The following MFHAS1 variants were observed in gnomAD, a reference collection of about 807,000 sequenced individuals.
MFHAS1 encodes the protein malignant fibrous histiocytoma-amplified sequence 1.
In MFHAS1, 50 loss-of-function variants were observed where a neutral mutation model predicts 70.4. The ratio of observed to expected loss-of-function variants is 0.71; its 90% CI spans 0.57 to 0.90. The LOEUF (loss-of-function observed/expected upper bound fraction) is 0.90. Among genes scored for constraint, MFHAS1 ranks in the 40% least tolerant of loss-of-function variants. MFHAS1 has a pLI of 0.00. For synonymous variants in MFHAS1, 952 were observed against 620.0 expected, an observed-to-expected ratio of 1.54 and a Z score of -7.96; for missense variants, 1,795 against 1,347.6, an observed-to-expected ratio of 1.33 and a Z score of -5.20.
At chr8:8,814,249 T>C (rs895210953) in intron 1 of MFHAS1, among the ~76,000 whole-genome samples, 1 of 152,202 alleles carries the variant, frequency 6.6e-6, no homozygotes, top group Non-Finnish European at 1.5e-5. Context: ...CCATTTTTTA[T>C]CTTTATACTG....
At chr8:8,876,461 G>A (rs559627183) in intron 1 of MFHAS1, among the ~76,000 whole-genome samples, 51 of 152,098 alleles carry the variant, frequency 3.4e-4, no homozygotes, top group Non-Finnish European at 6.0e-4. Flanking sequence ...TCGGCCGGGC[G>A]TGGTGGCACA....
intron 1 of MFHAS1, among the ~76,000 whole-genome samples, chr8:8,861,140 G>C (rs1023587783): frequency 1.3e-5 from 2 of 152,152 alleles, no homozygotes; most frequent in Non-Finnish European, 2.9e-5. Context: ...AAAAGTGGTA[G>C]ACATATATAA....
chr8:8,845,320 T>C (rs986365966), intron 1 of MFHAS1, among the ~76,000 whole-genome samples: 1 of 152,220 alleles, frequency 6.6e-6, no homozygotes, highest in African/African-American at 2.4e-5. Context: ...AATACCAATA[T>C]TGGCAAGATT....
In MFHAS1 at chr8:8,837,340, T is replaced by C. The variant is rs1040996639; in HGVS notation, c.2999-39849A>G. 7.2e-5 allele frequency among the ~76,000 whole-genome samples: 11 copies of C among 152,080 alleles called. No individual in the cohort carries two copies. In the East Asian group the frequency reaches 1.9e-3, roughly 27 times the overall value. ...CATTTCTCCAAAGAAGAACATCCAA[T>C]AAGTACATAAGAAGATGCTTGGCCA... On this transcript the variant is annotated intron_variant, in intron 1 of 2. Coordinates refer to ENST00000276282, the MANE Select transcript of MFHAS1 (RefSeq NM_004225.3).
At chr8:8,881,797 C>T (rs1245021567) in intron 1 of MFHAS1, among the ~76,000 whole-genome samples, 4 of 136,334 alleles carry the variant, frequency 2.9e-5, no homozygotes, top group African/African-American at 5.5e-5. Context: ...AACCTGGTGA[C>T]AGAGTAAGAC....
chr8:8,851,133 A>C (rs907970702), intron 1 of MFHAS1, among the ~76,000 whole-genome samples: 1 of 152,252 alleles, frequency 6.6e-6, no homozygotes, highest in Non-Finnish European at 1.5e-5. Context: ...AAGATGAAAA[A>C]TACATTTTTC....
rs562558924 is a variant in MFHAS1, at chr8:8,790,314, G to A, written c.3126-4259C>T. The stretch of plus-strand genomic sequence containing the variant: ...ATTTAAGAAATTCTCTCTGTTTCAC[G>A]GAGACTTACCCTTAAAAATTGGTGC... On this transcript the variant is annotated intron_variant, in intron 2 of 2. Transcript: ENST00000276282. 52 of 926,370 alleles carry A rather than the reference G, an allele frequency of 5.6e-5. No homozygotes were observed. In the African/African-American group the frequency reaches 6.4e-4, roughly 11 times the overall value. The allele number at this position is 926,370 out of a possible 1,614,324, so 57.4% of individuals were successfully genotyped here.
chr8:8,805,102 G>A (rs925501870), intron 1 of MFHAS1, among the ~76,000 whole-genome samples: 104 of 152,178 alleles, frequency 6.8e-4, no homozygotes, highest in African/African-American at 2.4e-3. Context: ...TGAGGCCTCA[G>A]ATCACAACGG....
intron 1 of MFHAS1, among the ~76,000 whole-genome samples, chr8:8,811,687 A>G (rs1272010135): frequency 3.3e-5 from 5 of 152,150 alleles, no homozygotes; most frequent in African/African-American, 1.2e-4. Flanking sequence ...GATTTTCCTT[A>G]CTCACTGTGG....
At chr8:8,837,268 C>G (rs1807631579) in intron 1 of MFHAS1, among the ~76,000 whole-genome samples, 1 of 152,106 alleles carries the variant, frequency 6.6e-6, no homozygotes, top group Non-Finnish European at 1.5e-5. Context: ...GCTGGGCTTT[C>G]AAGTCCAAAT....
At chr8:8,888,085 T>G (rs981816289) in intron 1 of MFHAS1, among the ~76,000 whole-genome samples, 3 of 152,180 alleles carry the variant, frequency 2.0e-5, no homozygotes, top group African/African-American at 7.2e-5. Flanking sequence ...AGAAGTATCT[T>G]GCTTCCATGA....
intron 1 of MFHAS1, among the ~76,000 whole-genome samples, chr8:8,846,163 G>C (rs868370760): frequency 6.7e-6 from 1 of 149,210 alleles, no homozygotes; most frequent in Admixed American, 6.7e-5. Context: ...TGAGGCAGGA[G>C]AATCGCTCGA....
chr8:8,845,059 C>A (rs962083862), intron 1 of MFHAS1, among the ~76,000 whole-genome samples: 4 of 152,206 alleles, frequency 2.6e-5, no homozygotes, highest in African/African-American at 9.7e-5. Flanking sequence ...GATACAACTA[C>A]CCTCAGTATT....
intron 1 of MFHAS1, among the ~76,000 whole-genome samples, chr8:8,888,701 G>T (rs988175622): frequency 1.4e-4 from 22 of 152,240 alleles, no homozygotes; most frequent in Admixed American, 4.6e-4. Flanking sequence ...TGCCGGGGTT[G>T]GGGGGAATGA....
intron 1 of MFHAS1, among the ~76,000 whole-genome samples, chr8:8,800,528 G>C (rs1806050206): frequency 6.6e-6 from 1 of 152,142 alleles, no homozygotes; most frequent in South Asian, 2.1e-4. Context: ...GAGAGCTGCA[G>C]GTCTGTAAAC....
intron 1 of MFHAS1, among the ~76,000 whole-genome samples, chr8:8,838,597 G>A (rs1357585410): frequency 6.6e-6 from 1 of 152,032 alleles, no homozygotes; most frequent in African/African-American, 2.4e-5. Context: ...CGGATCACCT[G>A]AGGTCAGGAG....
At chr8:8,802,497 T>C (rs148483262) in intron 1 of MFHAS1, among the ~76,000 whole-genome samples, 34 of 152,148 alleles carry the variant, frequency 2.2e-4, no homozygotes, top group Admixed American at 3.9e-4. Flanking sequence ...GAAGACACCA[T>C]ATGTGAATGA....
intron 1 of MFHAS1, among the ~76,000 whole-genome samples, chr8:8,820,561 T>C (rs1229300981): frequency 6.6e-6 from 1 of 152,190 alleles, no homozygotes; most frequent in East Asian, 1.9e-4. Flanking sequence ...TTTACGTAAG[T>C]AGACTAATAT....
intron 1 of MFHAS1, among the ~76,000 whole-genome samples, chr8:8,831,565 G>A (rs761024308): frequency 8.6e-5 from 13 of 151,262 alleles, no homozygotes; most frequent in Non-Finnish European, 1.8e-4. Flanking sequence ...CAGACATATA[G>A]ATCAATAGAA....
Sources: allele counts gnomAD v4.1 joint callset (sites outside exome capture counted in the v4.1 genomes callset), GRCh38; gene constraint gnomAD v4.1.1; transcripts MANE v1.5; gene names NCBI Gene and HGNC (gene_info 2026-07-23, HGNC 2026-07-21).